SLC9C1: variants seen among roughly 807,000 people sequenced by gnomAD.
The protein encoded by SLC9C1 is solute carrier family 9 member C1, also known as sodium/hydrogen exchanger 10.
A neutral mutation model predicts 140.9 loss-of-function variants in SLC9C1; 97 were observed. The observed-to-expected ratio is 0.69, with a 90% confidence interval of 0.58 to 0.82. SLC9C1 has a LOEUF of 0.82. Among genes scored for constraint, SLC9C1 ranks in the 40% least tolerant of loss-of-function variants. SLC9C1 has a pLI of 0.00. For synonymous variants in SLC9C1, 440 were observed against 442.6 expected (o/e 0.99, Z 0.07); for missense variants, 1,340 against 1,389.3 (o/e 0.96, Z 0.56).
intron 10 of SLC9C1, among the ~76,000 whole-genome samples, chr3:112,254,113 A>T (rs1273525469): frequency 6.6e-6 from 1 of 152,220 alleles, no homozygotes; most frequent in Non-Finnish European, 1.5e-5. Flanking sequence ...ACTACAAATT[A>T]TTGGCATCCC....
chr3:112,245,732 G>C (rs531121297), intron 10 of SLC9C1, among the ~76,000 whole-genome samples: 4 of 152,090 alleles, frequency 2.6e-5, no homozygotes, highest in African/African-American at 9.6e-5. Context: ...TTTAGATTTT[G>C]GGTATCTATT....
intron 26 of SLC9C1, among the ~76,000 whole-genome samples, chr3:112,165,729 G>A (rs949169239): frequency 1.3e-5 from 2 of 152,212 alleles, no homozygotes; most frequent in African/African-American, 2.4e-5. Flanking sequence ...GGACCCACTT[G>A]AGGAGGCAGT....
intron 12 of SLC9C1, among the ~76,000 whole-genome samples, chr3:112,233,067 AT>A (rs201024145): frequency 2.8e-4 from 8 of 28,382 alleles, no homozygotes; most frequent in East Asian, 1.1e-3. Flanking sequence ...ATATATATAT[AT>A]TATATTTTTT....
intron 8 of SLC9C1, among the ~76,000 whole-genome samples, chr3:112,265,638 T>C (rs2079898256): frequency 1.3e-5 from 2 of 152,162 alleles, no homozygotes; most frequent in Admixed American, 6.5e-5. Context: ...GAAAGTGCTC[T>C]TCCTTTTGGC....
intron 10 of SLC9C1, among the ~76,000 whole-genome samples, chr3:112,260,470 C>T (rs1052748199): frequency 3.3e-5 from 5 of 151,650 alleles, no homozygotes; most frequent in African/African-American, 9.7e-5. Flanking sequence ...ACCACATTTT[C>T]CTGCTTCTTC....
chr3:112,210,184 G>A (rs6808920), intron 15 of SLC9C1, among the ~76,000 whole-genome samples: 45,462 of 152,062 alleles, frequency 0.3, 7,009 homozygotes, highest in East Asian at 0.35. Flanking sequence ...TGAGTAGAAA[G>A]CAGGTATTCA....
intron 28 of SLC9C1, among the ~76,000 whole-genome samples, chr3:112,150,983 A>G (rs948381522): frequency 6.6e-6 from 1 of 151,432 alleles, no homozygotes; most frequent in South Asian, 2.1e-4. Context: ...GATTACAGGC[A>G]TCTGCCACAG....
chr3:112,155,840 G>A (rs1483498499), intron 26 of SLC9C1, among the ~76,000 whole-genome samples: 1 of 151,878 alleles, frequency 6.6e-6, no homozygotes, highest in South Asian at 2.1e-4. Flanking sequence ...GAGAATCAAG[G>A]TATTTTATTT....
At chr3:112,152,275 A>AG (rs2075007353) in intron 27 of SLC9C1, among the ~76,000 whole-genome samples, 1 of 151,982 alleles carries the variant, frequency 6.6e-6, no homozygotes, top group Non-Finnish European at 1.5e-5. Context: ...AAAACATGTG[A>AG]GCAAAGGACT....
chr3:112,174,188 C>A (rs2077295154), intron 23 of SLC9C1, among the ~76,000 whole-genome samples: 1 of 152,162 alleles, frequency 6.6e-6, no homozygotes, highest in Admixed American at 6.5e-5. Context: ...GGCTTATAAA[C>A]CTTTGTCAGA....
At chr3:112,270,394 T>C (rs188001913) in intron 6 of SLC9C1, among the ~76,000 whole-genome samples, 2 of 152,358 alleles carry the variant, frequency 1.3e-5, no homozygotes, top group Admixed American at 1.3e-4. Flanking sequence ...TCTGCAATCT[T>C]ACTAACACTT....
At chr3:112,233,757 G>T (rs4682375) in intron 12 of SLC9C1, among the ~76,000 whole-genome samples, 151,265 of 151,732 alleles carry the variant, frequency 1, 75,401 homozygotes, top group Middle Eastern at 1. Context: ...TGTGATAGTT[G>T]GCTGAGAATG....
intron 10 of SLC9C1, among the ~76,000 whole-genome samples, chr3:112,262,248 A>T (rs1403243774): frequency 3.3e-5 from 5 of 152,030 alleles, no homozygotes; most frequent in African/African-American, 1.2e-4. Context: ...GTCATGCAAT[A>T]TCAGATAATT....
At chr3:112,158,949 A>T (rs73218079) in intron 26 of SLC9C1, among the ~76,000 whole-genome samples, 30,479 of 149,390 alleles carry the variant, frequency 0.2, 3,397 homozygotes, top group Middle Eastern at 0.26. Flanking sequence ...TATCTTTTTT[A>T]AAAAAAAATA....
At chr3:112,264,430 C>CA in intron 8 of SLC9C1, 87 bp from the exon 9 acceptor site, 6 of 704,036 alleles carry the variant, frequency 8.5e-6, no homozygotes, top group Non-Finnish European at 1.2e-5. Context: ...AATCATTGTG[C>CA]TAATGATTAC....
chr3:112,182,620 A>G (rs2077459550), intron 20 of SLC9C1, among the ~76,000 whole-genome samples: 1 of 151,666 alleles, frequency 6.6e-6, no homozygotes, highest in Admixed American at 6.6e-5. Flanking sequence ...AAAGTAAACC[A>G]TTTTACTGAA....
At chr3:112,256,412 G>A (rs1477015370) in intron 10 of SLC9C1, among the ~76,000 whole-genome samples, 3 of 152,098 alleles carry the variant, frequency 2.0e-5, no homozygotes, top group Non-Finnish European at 4.4e-5. Context: ...ATGCAAGGTT[G>A]GTTCAATATA....
chr3:112,148,301 G>T (rs1040499594), intron 28 of SLC9C1, among the ~76,000 whole-genome samples: 4 of 152,140 alleles, frequency 2.6e-5, no homozygotes, highest in Admixed American at 6.5e-5. Flanking sequence ...TGGAGAGCTA[G>T]TGAAATCCTT....
At chr3:112,202,215 G>C in intron 18 of SLC9C1, 35 bp downstream of exon 18, 1 of 1,606,256 alleles carries the variant, frequency 6.2e-7, no homozygotes. Context: ...TGAGGGCTGA[G>C]TGAACTCTTT....
Sources: gnomAD v4.1 joint callset for allele counts (sites outside exome capture counted in the v4.1 genomes callset) on GRCh38, gnomAD v4.1.1 for gene constraint, MANE v1.5 for transcripts, NCBI Gene and HGNC (gene_info 2026-07-23, HGNC 2026-07-21) for gene names.